Variants in KANK1 observed in about 807,000 individuals in gnomAD.
KANK1 encodes the protein KN motif and ankyrin repeat domain-containing protein 1.
Under a neutral mutation model 106.2 loss-of-function variants are expected in KANK1, and 109 were observed. That is an observed-to-expected ratio of 1.03 (90% CI 0.88 to 1.20). The LOEUF (loss-of-function observed/expected upper bound fraction) is 1.20, where lower values mean the gene tolerates loss of function less well. Ranked by LOEUF, KANK1 falls within the 50% of genes most tolerant of loss-of-function variation. The pLI is 0.00. For missense variants in KANK1, 2,399 were observed against 1,710.7 expected (o/e 1.40, Z -7.10); for synonymous variants, 873 against 652.2 (o/e 1.34, Z -5.16).
intron 1 of KANK1, among the ~76,000 whole-genome samples, chr9:532,416 G>C (rs1034349827): frequency 5.0e-5 from 5 of 100,042 alleles, no homozygotes; most frequent in African/African-American, 2.0e-4. Flanking sequence ...TGAGTGTATA[G>C]TTCATTGATG....
chr9:517,712 G>T (rs2059348869), intron 1 of KANK1, among the ~76,000 whole-genome samples: 2 of 148,312 alleles, frequency 1.3e-5, no homozygotes, highest in Non-Finnish European at 3.0e-5. Flanking sequence ...TTGAGGTTAA[G>T]AACGAGTAAT....
intron 4 of KANK1, 137 bp from the exon 5 acceptor site, chr9:731,021 G>A (rs1832092806): frequency 4.4e-6 from 2 of 455,038 alleles, no homozygotes; most frequent in Admixed American, 4.1e-5. Flanking sequence ...CTTTCCCATT[G>A]AATTTTGTGG....
intron 1 of KANK1, among the ~76,000 whole-genome samples, chr9:523,721 C>G (rs2059654547): frequency 6.6e-6 from 1 of 151,666 alleles, no homozygotes; most frequent in South Asian, 2.1e-4. Flanking sequence ...CAGTGAGGTC[C>G]TTGCTCAGAT....
At chr9:497,908 C>A (rs1287331876) in intron 3 of KANK1, among the ~76,000 whole-genome samples, 1 of 152,062 alleles carries the variant, frequency 6.6e-6, no homozygotes, top group Non-Finnish European at 1.5e-5. Flanking sequence ...AAAATTACTT[C>A]TAGGGACCAC....
intron 2 of KANK1, among the ~76,000 whole-genome samples, chr9:710,095 T>C (rs889118787): frequency 1.3e-5 from 2 of 152,106 alleles, no homozygotes; most frequent in South Asian, 2.1e-4. Flanking sequence ...AAATTACCTA[T>C]TGAGTACGGT....
intron 2 of KANK1, among the ~76,000 whole-genome samples, chr9:710,110 A>G (rs1436614982): frequency 6.6e-6 from 1 of 152,142 alleles, no homozygotes; most frequent in Non-Finnish European, 1.5e-5. Flanking sequence ...TACGGTGTGC[A>G]CTATTTGGGT....
intron 1 of KANK1, among the ~76,000 whole-genome samples, chr9:650,189 G>C (rs1292499030): frequency 6.6e-6 from 1 of 152,174 alleles, no homozygotes; most frequent in Non-Finnish European, 1.5e-5. Flanking sequence ...ATTATGCTGA[G>C]TTAAAATCAA....
intron 3 of KANK1, among the ~76,000 whole-genome samples, chr9:497,509 C>T (rs1006325420): frequency 2.0e-5 from 3 of 151,590 alleles, no homozygotes; most frequent in Non-Finnish European, 4.4e-5. Context: ...TCTCTCACAG[C>T]TCTGTAAAAT....
rs1440791572 is a variant in KANK1, at chr9:738,296, G to GAAC, written c.3347_3349dup (p.Asn1116dup). On this transcript the variant is annotated inframe_insertion, in exon 8 of 12. Transcript: ENST00000382297. ...TGGTGTTTTGGCAGAGGTTCTGTCT[G>GAAC]AACACCCTCCAGCACGAGTGGTTCC... The GAAC allele has an allele frequency of 5.6e-6, 9 of 1,612,192 alleles. No individual in the cohort carries two copies. Among genetic ancestry groups the GAAC allele is most frequent in the African/African-American group, 1.3e-5 (1 of 74,894 alleles).
intron 1 of KANK1, among the ~76,000 whole-genome samples, chr9:567,457 C>T (rs1237776836): frequency 6.6e-6 from 1 of 152,114 alleles, no homozygotes; most frequent in Non-Finnish European, 1.5e-5. Context: ...CTAAATTTTC[C>T]CCGAAGTTAG....
intron 1 of KANK1, among the ~76,000 whole-genome samples, chr9:561,500 C>T (rs988656607): frequency 6.6e-6 from 1 of 152,224 alleles, no homozygotes; most frequent in Non-Finnish European, 1.5e-5. Context: ...CAAATACACT[C>T]ATCACTGTGC....
intron 2 of KANK1, among the ~76,000 whole-genome samples, chr9:680,138 G>A (rs990991156): frequency 1.3e-5 from 2 of 152,136 alleles, no homozygotes; most frequent in Admixed American, 6.5e-5. Flanking sequence ...TCCAAAAATT[G>A]CTGCTTGGGC....
At chr9:688,586 G>A (rs915801737) in intron 2 of KANK1, among the ~76,000 whole-genome samples, 3 of 147,546 alleles carry the variant, frequency 2.0e-5, no homozygotes, top group Non-Finnish European at 3.0e-5. Flanking sequence ...GCGACAGAGC[G>A]AGACTCTGTC....
At chr9:672,355 G>A (rs1185594272) in intron 1 of KANK1, among the ~76,000 whole-genome samples, 1 of 152,150 alleles carries the variant, frequency 6.6e-6, no homozygotes. Flanking sequence ...CAGTGGTAAG[G>A]TATGCATTTT....
chr9:555,617 A>G (rs1187844712), intron 1 of KANK1, among the ~76,000 whole-genome samples: 1 of 152,210 alleles, frequency 6.6e-6, no homozygotes, highest in Non-Finnish European at 1.5e-5. Flanking sequence ...TAGCTGAAAT[A>G]ACTGTAAAAG....
chr9:728,725 CATA>C (rs982914430), intron 3 of KANK1, among the ~76,000 whole-genome samples: 2 of 152,208 alleles, frequency 1.3e-5, no homozygotes, highest in Non-Finnish European at 2.9e-5. Flanking sequence ...GCTTCATCTA[CATA>C]ATAAGAACCT....
chr9:737,444 A>C (rs1834089547), intron 7 of KANK1, among the ~76,000 whole-genome samples: 1 of 152,174 alleles, frequency 6.6e-6, no homozygotes, highest in Non-Finnish European at 1.5e-5. Flanking sequence ...ATGAATATTA[A>C]ACTCATATGA....
chr9:554,310 G>C (rs911545076), intron 1 of KANK1, among the ~76,000 whole-genome samples: 2 of 152,180 alleles, frequency 1.3e-5, no homozygotes, highest in Non-Finnish European at 2.9e-5. Flanking sequence ...GCTGATGTCT[G>C]AGGGCAGGAA....
chr9:662,123 T>G (rs374271877), intron 1 of KANK1, among the ~76,000 whole-genome samples: 1 of 152,112 alleles, frequency 6.6e-6, no homozygotes, highest in East Asian at 1.9e-4. Context: ...TTACAAGGGA[T>G]GTGAAGGACC....
Sources: gnomAD v4.1 joint callset for allele counts (sites outside exome capture counted in the v4.1 genomes callset) on GRCh38, gnomAD v4.1.1 for gene constraint, MANE v1.5 for transcripts, NCBI Gene and HGNC (gene_info 2026-07-23, HGNC 2026-07-21) for gene names.